Variants in TCF7L2 observed in about 807,000 individuals in gnomAD.
TCF7L2 encodes transcription factor 7 like 2, also known as transcription factor 7-like 2.
In TCF7L2, 23 loss-of-function variants were observed where a neutral mutation model predicts 77.9. That is an observed-to-expected ratio of 0.30 (90% CI 0.21 to 0.42). TCF7L2 has a LOEUF of 0.42. Among genes scored for constraint, TCF7L2 ranks in the 10% least tolerant of loss-of-function variants. The pLI is 1.00. For missense variants in TCF7L2, 654 were observed against 793.1 expected, an observed-to-expected ratio of 0.82 and a Z score of 2.11; for synonymous variants, 413 against 340.2, an observed-to-expected ratio of 1.21 and a Z score of -2.36.
chr10:113,043,772 TG>T lies in TCF7L2; in HGVS notation c.552+3647del, dbSNP rs1362208977. ...TTTGAAATTTATATTTTTAATTCTTTGCTCCCTTTTTTCCTCTTACAAAATG... is the reference window on the plus strand; with the variant it reads ...TTTGAAATTTATATTTTTAATTCTTTCTCCCTTTTTTCCTCTTACAAAATG... On this transcript the variant is annotated intron_variant, in intron 5 of 13. Transcript: ENST00000627217. 2.0e-5 allele frequency among the ~76,000 whole-genome samples: 3 copies of T among 152,318 alleles called. No individual in the cohort carries two copies. In the East Asian group the frequency reaches 5.8e-4, roughly 29 times the overall value.
intron 3 of TCF7L2, among the ~76,000 whole-genome samples, chr10:112,953,340 C>T (rs2032546022): frequency 6.6e-6 from 1 of 152,142 alleles, no homozygotes. Flanking sequence ...CACCAGGCTG[C>T]AGGGGCCGCG....
At chr10:113,155,823 C>T (rs2071754820) in intron 11 of TCF7L2, among the ~76,000 whole-genome samples, 1 of 152,212 alleles carries the variant, frequency 6.6e-6, no homozygotes, top group Non-Finnish European at 1.5e-5. Context: ...GGGAGAGGCG[C>T]GGGCATGGAG....
chr10:112,988,244 C>G (rs1367187754), intron 4 of TCF7L2, among the ~76,000 whole-genome samples: 1 of 151,738 alleles, frequency 6.6e-6, no homozygotes, highest in Non-Finnish European at 1.5e-5. Context: ...ATTACAGGTG[C>G]CTGCCACCAG....
chr10:113,095,322 C>T (rs2060839933), intron 5 of TCF7L2, among the ~76,000 whole-genome samples: 1 of 152,176 alleles, frequency 6.6e-6, no homozygotes, highest in Non-Finnish European at 1.5e-5. Context: ...TTCAACTCCT[C>T]CTCACCCCCT....
chr10:113,014,574 A>T (rs2047024534), intron 4 of TCF7L2, among the ~76,000 whole-genome samples: 2 of 151,258 alleles, frequency 1.3e-5, no homozygotes, highest in Non-Finnish European at 2.9e-5. Flanking sequence ...GGCGCGGATC[A>T]CCTGAGGTCA....
At chr10:113,045,599 C>A (rs1260666995) in intron 5 of TCF7L2, among the ~76,000 whole-genome samples, 2 of 152,026 alleles carry the variant, frequency 1.3e-5, no homozygotes, top group African/African-American at 2.4e-5. Flanking sequence ...AGAGACTGGG[C>A]TTCTGGGTGT....
chr10:113,094,079 G>A (rs1233943924), intron 5 of TCF7L2, among the ~76,000 whole-genome samples: 1 of 152,190 alleles, frequency 6.6e-6, no homozygotes, highest in Non-Finnish European at 1.5e-5. Context: ...TTTTTGGGGT[G>A]TGTGTGCGCG....
rs1462838841 is a variant in TCF7L2 at position 113,165,790 on chromosome 10, G to A, written c.1627G>A (p.Ala543Thr). Residue 543 changes from alanine to threonine, a missense_variant, in exon 14 of 14, where the codon GCC becomes ACC. Transcript: ENST00000627217. ...GCCACCCGCCCTCCTGCTCGCTGAG[G>A]CCACCCACAAGGCCTCCGCCCTCTG... The A allele has an allele frequency of 3.1e-6, 5 of 1,605,106 alleles. No homozygotes were observed. Among genetic ancestry groups the A allele is most frequent in the Non-Finnish European group, 3.4e-6 (4 of 1,175,242 alleles).
chr10:113,057,651 G>C (rs562419704), intron 5 of TCF7L2, among the ~76,000 whole-genome samples: 1 of 152,164 alleles, frequency 6.6e-6, no homozygotes, highest in Non-Finnish European at 1.5e-5. Flanking sequence ...TACTTAACAG[G>C]ATGTGCCACA....
At chr10:112,969,564 G>A (rs765163319) in intron 4 of TCF7L2, among the ~76,000 whole-genome samples, 4 of 152,240 alleles carry the variant, frequency 2.6e-5, no homozygotes, top group African/African-American at 4.8e-5. Flanking sequence ...TTCTGAGAGA[G>A]ACTTGAGTGC....
At chr10:113,156,679 C>T (rs985958442) in intron 11 of TCF7L2, among the ~76,000 whole-genome samples, 1 of 152,180 alleles carries the variant, frequency 6.6e-6, no homozygotes, top group African/African-American at 2.4e-5. Context: ...GCAGATGGAT[C>T]AGGTTGGAGA....
chr10:113,063,721 C>T (rs757523415), intron 5 of TCF7L2, among the ~76,000 whole-genome samples: 8 of 151,872 alleles, frequency 5.3e-5, no homozygotes, highest in Admixed American at 1.3e-4. Flanking sequence ...CCCAAGGAGC[C>T]GGAGGGTGGA....
Position 113,166,197 on chromosome 10 carries a change from CA to C in TCF7L2, c.*229del, listed in dbSNP as rs1399742670. ...TGAGAGAAGAACCTCATGATTCTAC[CA>C]AAATTTTTATCAACAGCTGTTTAAA... is the stretch of plus-strand genomic sequence containing the variant. On this transcript the variant is annotated 3_prime_UTR_variant, in exon 14 of 14. Transcript: ENST00000627217. 2 of 394,808 alleles carry C rather than the reference CA, an allele frequency of 5.1e-6. No homozygotes were observed. Among genetic ancestry groups the C allele is most frequent in the Non-Finnish European group, 8.7e-6 (2 of 229,098 alleles). 24.5% of individuals were successfully genotyped at this position (394,808 alleles called of 1,614,324 possible).
At chr10:113,148,846 A>G (rs2070086366) in intron 8 of TCF7L2, among the ~76,000 whole-genome samples, 2 of 152,154 alleles carry the variant, frequency 1.3e-5, no homozygotes, top group Admixed American at 1.3e-4. Flanking sequence ...ACGCGTAGGT[A>G]TGGGAACTTA....
At position 112,966,239 on chromosome 10, in the gene TCF7L2, G is replaced by T. The variant is rs2036879151; in HGVS notation, c.450+1615G>T. Among the ~76,000 whole-genome samples the T allele has an allele frequency of 2.9e-5, 4 of 136,706 alleles. No individual in the cohort carries two copies. In the South Asian group the frequency reaches 9.2e-4, roughly 31 times the overall value. 89.7% of individuals were successfully genotyped at this position (136,706 alleles called of 152,430 possible). ...TCTTTTCTTGATTACTTCTGCAGTT[G>T]TGCCGCCAACCTTCTTATGTGTGTC... On this transcript the variant is annotated intron_variant, in intron 4 of 13. Transcript: ENST00000627217.
chr10:112,969,421 C>T (rs941534357), intron 4 of TCF7L2, among the ~76,000 whole-genome samples: 3 of 152,052 alleles, frequency 2.0e-5, no homozygotes, highest in South Asian at 2.1e-4. Context: ...AGTTTTTTTG[C>T]GATTATGAAT....
At chr10:113,129,810 C>T (rs1674041278) in intron 5 of TCF7L2, 12 of 1,287,916 alleles carry the variant, frequency 9.3e-6, no homozygotes, top group East Asian at 5.6e-5. Context: ...AGTCCCATCT[C>T]GAAGGTACAG....
chr10:113,114,161 A>G (rs952051179), intron 5 of TCF7L2, among the ~76,000 whole-genome samples: 1 of 152,208 alleles, frequency 6.6e-6, no homozygotes, highest in African/African-American at 2.4e-5. Context: ...CTGGCACTGT[A>G]GTTCCTTTTT....
At chr10:113,082,558 T>C (rs1345764420) in intron 5 of TCF7L2, among the ~76,000 whole-genome samples, 1 of 152,184 alleles carries the variant, frequency 6.6e-6, no homozygotes, top group Admixed American at 6.5e-5. Context: ...TTCTTGGTCA[T>C]GTTGAACTTT....
Sources: allele counts gnomAD v4.1 joint callset (sites outside exome capture counted in the v4.1 genomes callset), GRCh38; gene constraint gnomAD v4.1.1; transcripts MANE v1.5; gene names NCBI Gene and HGNC (gene_info 2026-07-23, HGNC 2026-07-21).